Variants in FECH observed in about 807,000 individuals in gnomAD.
FECH encodes ferrochelatase, mitochondrial.
Under a neutral mutation model 56.9 loss-of-function variants are expected in FECH, and 40 were observed. That is an observed-to-expected ratio of 0.70 (90% CI 0.55 to 0.92). FECH has a LOEUF of 0.92. Ranked by LOEUF, FECH falls within the 40% of genes least tolerant of loss-of-function variation. The pLI, the probability that FECH is intolerant of heterozygous loss-of-function variation, is 0.00. For synonymous variants in FECH, 175 were observed against 198.6 expected (o/e 0.88, Z 1.00); for missense variants, 431 against 529.1 (o/e 0.81, Z 1.82).
At chr18:57,561,510 A>T (rs2050943404) in intron 6 of FECH, among the ~76,000 whole-genome samples, 1 of 152,188 alleles carries the variant, frequency 6.6e-6, no homozygotes, top group Admixed American at 6.5e-5. Flanking sequence ...TCTACTCCCA[A>T]CCTCTCTGCA....
At chr18:57,577,033 C>T (rs766686770) in intron 2 of FECH, among the ~76,000 whole-genome samples, 4 of 152,046 alleles carry the variant, frequency 2.6e-5, no homozygotes, top group South Asian at 2.1e-4. Context: ...AAGGTTTTTC[C>T]GTGAAATATT....
chr18:57,571,431 C>A lies in FECH; in HGVS notation c.424G>T (p.Gly142Cys), dbSNP rs1389914630. 6.2e-7 allele frequency: 1 copy of A among 1,613,908 alleles called. No individual in the cohort carries two copies. The change falls in exon 4 of 11, where the codon GGC becomes TGC. Residue 142 changes from glycine to cysteine, a missense_variant. Physicochemically the swap from Gly to Cys is radical, Grantham distance 159 (BLOSUM62 -3). Transcript: ENST00000262093. Reference sequence around the variant, plus strand: ...AATTCATCCAGCAGCTTCACCATGCCCTCTCCCTGCTTGGAAGTCCATATC... The same window carrying A: ...AATTCATCCAGCAGCTTCACCATGCACTCTCCCTGCTTGGAAGTCCATATC... ...IKIWTSKQGE[G>C]MVKLLDELSP...
chr18:57,583,101 G>A (rs1006038859), intron 1 of FECH, among the ~76,000 whole-genome samples: 2 of 152,040 alleles, frequency 1.3e-5, no homozygotes, highest in Admixed American at 1.3e-4. Flanking sequence ...GCTGCCAAGG[G>A]ACCCTTTCCA....
chr18:57,584,243 A>G (rs968304404), intron 1 of FECH, among the ~76,000 whole-genome samples: 1 of 148,408 alleles, frequency 6.7e-6, no homozygotes, highest in Non-Finnish European at 1.5e-5. Flanking sequence ...TGTAGTCCCA[A>G]CTACTTGGAA....
intron 6 of FECH, among the ~76,000 whole-genome samples, chr18:57,562,136 A>G (rs2050953176): frequency 6.6e-6 from 1 of 152,186 alleles, no homozygotes; most frequent in East Asian, 1.9e-4. Flanking sequence ...AATGGATCAA[A>G]TCTAAATGAC....
rs1404461959 is a variant in FECH, at chr18:57,586,659, C to T, written c.-39G>A. On this transcript the variant is annotated 5_prime_UTR_variant, in exon 1 of 11. Coordinates refer to ENST00000262093, the MANE Select transcript of FECH (RefSeq NM_000140.5). Reference sequence around the variant, plus strand: ...TCGGCCCGAGTCCGGGCTCCTCCCGCGGCGGCGCGCCCAGGTGTCCGCCCA... The same window carrying T: ...TCGGCCCGAGTCCGGGCTCCTCCCGTGGCGGCGCGCCCAGGTGTCCGCCCA... 6.7e-7 allele frequency: 1 copy of T among 1,484,600 alleles called. No individual in the cohort carries two copies. Among genetic ancestry groups the T allele is most frequent in the Admixed American group, 2.2e-5 (1 of 44,858 alleles). The allele number at this position is 1,484,600 out of a possible 1,614,324, so 92.0% of individuals were successfully genotyped here.
Position 57,550,694 on chromosome 18 carries a change from G to C in FECH, c.*18C>G. ...AGGTTGGGCATTTGCCTAACGCCAC[G>C]GGGTCCACCGGCGGGGGTCACAGCT... On this transcript the variant is annotated 3_prime_UTR_variant, in exon 11 of 11. Transcript: ENST00000262093. 2 of 1,613,946 alleles carry C rather than the reference G, an allele frequency of 1.2e-6. No individual in the cohort carries two copies. The highest frequency in any genetic ancestry group is 2.7e-5 in the African/African-American group (2 of 75,022).
intron 8 of FECH, 105 bp from the exon 9 acceptor site, chr18:57,554,529 GC>G: frequency 8.2e-7 from 1 of 1,214,986 alleles, no homozygotes; most frequent in Non-Finnish European, 1.2e-6. Context: ...GCGGGCAAGA[GC>G]CACTCTTTAC....
rs778024570 is a variant in FECH at position 57,545,359 on chromosome 18, C to T, written c.*5353G>A. Among the ~76,000 whole-genome samples the T allele has an allele frequency of 2.0e-5, 3 of 152,184 alleles. No individual in the cohort carries two copies. The highest frequency in any genetic ancestry group is 4.8e-5 in the African/African-American group (2 of 41,440). ...GGAAGCTAATGATTCCAGCTAAAAACAACGAAGCCGGTACTATCACAGTAT... is the reference window on the plus strand; with the variant it reads ...GGAAGCTAATGATTCCAGCTAAAAATAACGAAGCCGGTACTATCACAGTAT... On this transcript the variant is annotated 3_prime_UTR_variant, in exon 11 of 11. Transcript: ENST00000262093.
intron 2 of FECH, among the ~76,000 whole-genome samples, 198 bp downstream of exon 2, chr18:57,579,875 T>C (rs1314436077): frequency 6.6e-6 from 1 of 152,202 alleles, no homozygotes; most frequent in East Asian, 1.9e-4. Flanking sequence ...CTTTTAACAA[T>C]AGCCCTGTTG....
At chr18:57,564,224 A>T (rs931461003) in intron 5 of FECH, among the ~76,000 whole-genome samples, 1 of 152,188 alleles carries the variant, frequency 6.6e-6, no homozygotes, top group African/African-American at 2.4e-5. Flanking sequence ...AAAATTATTG[A>T]AGTTTCTGTG....
At position 57,563,580 on chromosome 18, in the gene FECH, C is replaced by CAAAAAAAAAAAAAAAA. The variant is rs747565830; in HGVS notation, c.599-616_599-601dup. On this transcript the variant is annotated intron_variant, in intron 5 of 10. Transcript: ENST00000262093. ...GGGCAACAAGAGCGAAACTCCGTCC[C>CAAAAAAAAAAAAAAAA]AAAAAAAAAAAAAAAAAAAAAAAAG... 1.5e-4 allele frequency among the ~76,000 whole-genome samples: 5 copies of CAAAAAAAAAAAAAAAA among 33,612 alleles called. 1 individual carries two copies. Among genetic ancestry groups the CAAAAAAAAAAAAAAAA allele is most frequent in the Non-Finnish European group, 1.9e-4 (4 of 20,568 alleles). 22.1% of individuals were successfully genotyped at this position (33,612 alleles called of 152,430 possible).
rs1176880861 is a variant in FECH at position 57,546,783 on chromosome 18, G to A, written c.*3929C>T. 4.6e-5 allele frequency among the ~76,000 whole-genome samples: 7 copies of A among 151,192 alleles called. No homozygotes were observed. Among genetic ancestry groups the A allele is most frequent in the Non-Finnish European group, 1.0e-4 (7 of 67,776 alleles). On this transcript the variant is annotated 3_prime_UTR_variant, in exon 11 of 11. Coordinates refer to ENST00000262093, the MANE Select transcript of FECH (RefSeq NM_000140.5). ...AGACCAGCCTGACCAACATGGTCAG[G>A]CCCCATCTCTACTAAAAATACAAAA...
chr18:57,579,938 A>G (rs762762521), intron 2 of FECH, 135 bp downstream of exon 2: 10 of 1,187,998 alleles, frequency 8.4e-6, no homozygotes, highest in Non-Finnish European at 1.2e-5. Context: ...TTTAACAGCT[A>G]TTGAAAGGAA....
In FECH at chr18:57,551,356, T is replaced by C. The variant is rs888114623; in HGVS notation, c.1096A>G (p.Arg366Gly). ...TTTCCATTAAGAGACTCAGCTCTTC[T>C]GATGTTTTCAACTCCACACTGAATC... ...LAKECGVENIRRAESLNGNPL... is the reference protein window; with the variant it reads ...LAKECGVENIGRAESLNGNPL... The change falls in exon 10 of 11, where the codon AGA (arginine) becomes GGA (glycine). Residue 366 changes from arginine (R) to glycine (G), a missense_variant. Physicochemically the swap from Arg to Gly is moderately radical, Grantham distance 125. Transcript: ENST00000262093. 1.2e-6 allele frequency: 2 copies of C among 1,613,072 alleles called. No individual in the cohort carries two copies. Among genetic ancestry groups the C allele is most frequent in the Admixed American group, 3.3e-5 (2 of 60,024 alleles).
At chr18:57,573,866 G>T (rs13381411) in intron 2 of FECH, among the ~76,000 whole-genome samples, 1 of 152,162 alleles carries the variant, frequency 6.6e-6, no homozygotes, top group Admixed American at 6.5e-5. Context: ...CTGGCACATG[G>T]TAAGTTCTAC....
chr18:57,564,971 C>T (rs1284787340), intron 5 of FECH, among the ~76,000 whole-genome samples: 2 of 152,176 alleles, frequency 1.3e-5, no homozygotes, highest in Non-Finnish European at 2.9e-5. Context: ...TGAGTGGCCT[C>T]GAAGAATTAA....
rs2272783 is a variant in FECH at position 57,571,588 on chromosome 18, A to G, written c.315-48T>C. 108,334 of 1,613,854 alleles carry G rather than the reference A, an allele frequency of 0.067. 8,620 individuals are homozygous for G. The highest frequency in any genetic ancestry group is 0.38 in the East Asian group (17,079 of 44,856). ...AAGTGGATTTTATTCCAGCTTAGCA[A>G]CCTGAGAAATGTTTTCTACTCAATA... is the stretch of plus-strand genomic sequence containing the variant. On this transcript the variant is annotated intron_variant, in intron 3 of 10. Coordinates refer to ENST00000262093, the MANE Select transcript of FECH (RefSeq NM_000140.5).
chr18:57,572,624 T>TGC (rs1471674136), intron 3 of FECH, among the ~76,000 whole-genome samples: 6 of 140,556 alleles, frequency 4.3e-5, no homozygotes, highest in African/African-American at 1.6e-4. Flanking sequence ...TGTATGTATG[T>TGC]GCGCGTGTGT....
Sources: allele counts gnomAD v4.1 joint callset (sites outside exome capture counted in the v4.1 genomes callset), GRCh38; gene constraint gnomAD v4.1.1; transcripts MANE v1.5; gene names NCBI Gene and HGNC (gene_info 2026-07-23, HGNC 2026-07-21).